The following ABCC12 variants were observed in gnomAD, a reference collection of about 807,000 sequenced individuals.
ABCC12 encodes the protein ATP binding cassette subfamily C member 12.
A neutral mutation model predicts 151.1 loss-of-function variants in ABCC12; 142 were observed. The observed-to-expected ratio is 0.94, with a 90% confidence interval of 0.82 to 1.08. The LOEUF is 1.08. ABCC12 is among the 50% of genes least tolerant of loss of function. The pLI is 0.00. For synonymous variants in ABCC12, 645 were observed against 646.4 expected, an observed-to-expected ratio of 1.00 and a Z score of 0.03; for missense variants, 1,638 against 1,691.1, an observed-to-expected ratio of 0.97 and a Z score of 0.55.
chr16:48,094,266 G>C (rs562166285), intron 24 of ABCC12, among the ~76,000 whole-genome samples: 1 of 152,316 alleles, frequency 6.6e-6, no homozygotes, highest in East Asian at 1.9e-4. Flanking sequence ...AGAGAGTACA[G>C]AGAATACATT....
intron 8 of ABCC12, among the ~76,000 whole-genome samples, chr16:48,135,850 T>C (rs576098485): frequency 6.6e-6 from 1 of 152,216 alleles, no homozygotes; most frequent in South Asian, 2.1e-4. Context: ...GCTCACAAAT[T>C]ACATTCAAGC....
In ABCC12 at chr16:48,104,299, C is replaced by A; in HGVS notation, c.2743G>T (p.Asp915Tyr). 6.2e-7 allele frequency: 1 copy of A among 1,614,246 alleles called. No homozygotes were observed. Among genetic ancestry groups the A allele is most frequent in the Non-Finnish European group, 8.5e-7 (1 of 1,180,038 alleles). ...TGRLMNRFSK[D>Y]MDELDVRLPF... ...AGCCTCACATCCAGCTCGTCCATAT[C>A]CTTGGAAAAACGGTTCATTAGCCTG... is the stretch of plus-strand genomic sequence containing the variant. The change falls in exon 22 of 31, where the codon GAT (aspartate) becomes TAT (tyrosine). Residue 915 changes from aspartate to tyrosine, a missense_variant. By Grantham distance (160) the Asp-to-Tyr change is radical. Coordinates refer to ENST00000311303, the MANE Select transcript of ABCC12 (RefSeq NM_001393797.1).
chr16:48,091,766 A>G (rs531902431), intron 24 of ABCC12, among the ~76,000 whole-genome samples: 1 of 152,336 alleles, frequency 6.6e-6, no homozygotes, highest in Non-Finnish European at 1.5e-5. Flanking sequence ...GCCAACCCCA[A>G]GATTTGACTG....
intron 14 of ABCC12, among the ~76,000 whole-genome samples, chr16:48,116,433 G>T (rs561979591): frequency 6.6e-6 from 1 of 152,184 alleles, no homozygotes; most frequent in Non-Finnish European, 1.5e-5. Context: ...TTCAGGTGGT[G>T]GGACTTGGGA....
Position 48,085,376 on chromosome 16 carries a change from G to A in ABCC12, c.3828+217C>T, listed in dbSNP as rs1349513244. On this transcript the variant is annotated intron_variant, in intron 29 of 30. Transcript: ENST00000311303. Reference sequence around the variant, plus strand: ...GAAAATCTAAGCGAGACCTCCCCAGGGGAAGCCTGGGAGGGGAAGGTGCTC... The same window carrying A: ...GAAAATCTAAGCGAGACCTCCCCAGAGGAAGCCTGGGAGGGGAAGGTGCTC... Among the ~76,000 whole-genome samples, 3 of 152,050 alleles carry A rather than the reference G, an allele frequency of 2.0e-5. No individual in the cohort carries two copies. In the East Asian group the frequency reaches 5.8e-4, roughly 29 times the overall value.
In ABCC12 at chr16:48,144,090, G is replaced by A. The variant is rs371766463; in HGVS notation, c.120-25C>T. On this transcript the variant is annotated intron_variant, in intron 3 of 30. Coordinates refer to ENST00000311303, the MANE Select transcript of ABCC12 (RefSeq NM_001393797.1). ...CCTGCAGACAAACAAGACACTCAGCGTTCCAGGCACTGGGGTCATTGCCCC... is the reference window on the plus strand; with the variant it reads ...CCTGCAGACAAACAAGACACTCAGCATTCCAGGCACTGGGGTCATTGCCCC... 74 of 1,600,984 alleles carry A rather than the reference G, an allele frequency of 4.6e-5. No homozygotes were observed. In the African/African-American group the frequency reaches 5.5e-4, roughly 12 times the overall value.
Position 48,105,327 on chromosome 16 carries a change from C to T in ABCC12, c.2485G>A (p.Gly829Arg), listed in dbSNP as rs1441677274. Residue 829 changes from glycine (G) to arginine (R), a missense_variant, in exon 21 of 31, where the codon GGG (glycine) becomes AGG (arginine). Physicochemically the swap from Gly to Arg is moderately radical, Grantham distance 125. Transcript: ENST00000311303. Reference protein sequence around the residue: ...WLDKGSRMTCGPQGNRTMCEV... With the variant: ...WLDKGSRMTCRPQGNRTMCEV... Reference sequence around the variant, plus strand: ...CACATGGTCCTGTTGCCCTGGGGCCCACAGGTCATCTTTGGAGAAAAACAA... The same window carrying T: ...CACATGGTCCTGTTGCCCTGGGGCCTACAGGTCATCTTTGGAGAAAAACAA... 6.2e-7 allele frequency: 1 copy of T among 1,608,834 alleles called. No individual in the cohort carries two copies. Among genetic ancestry groups the T allele is most frequent in the Non-Finnish European group, 8.5e-7 (1 of 1,178,006 alleles).
chr16:48,124,107 G>T, intron 12 of ABCC12, 106 bp downstream of exon 12: 2 of 1,172,010 alleles, frequency 1.7e-6, no homozygotes, highest in South Asian at 1.3e-5. Flanking sequence ...CATGCACAGT[G>T]TCCAGTGCAG....
intron 27 of ABCC12, 115 bp downstream of exon 27, chr16:48,087,811 T>G: frequency 8.6e-7 from 1 of 1,165,268 alleles, no homozygotes; most frequent in Non-Finnish European, 1.2e-6. Flanking sequence ...GGGATACTGC[T>G]TCCCTCAGAC....
intron 12 of ABCC12, among the ~76,000 whole-genome samples, chr16:48,122,568 A>G (rs148805370): frequency 1.3e-5 from 2 of 152,106 alleles, no homozygotes; most frequent in African/African-American, 4.8e-5. Context: ...CAGAGGGTAC[A>G]TGTGGGGCAG....
chr16:48,117,654 C>T (rs1272047825), intron 13 of ABCC12, among the ~76,000 whole-genome samples: 1 of 152,194 alleles, frequency 6.6e-6, no homozygotes, highest in African/African-American at 2.4e-5. Context: ...CTGCTGGACG[C>T]TCATGGGAGT....
At chr16:48,148,255 T>A in intron 2 of ABCC12, among the ~76,000 whole-genome samples, 1 of 147,498 alleles carries the variant, frequency 6.8e-6, no homozygotes, top group African/African-American at 2.6e-5. Flanking sequence ...AAAAAAAAAT[T>A]GAGACAGGAT....
intron 29 of ABCC12, among the ~76,000 whole-genome samples, chr16:48,084,765 A>C (rs1440136964): frequency 6.6e-6 from 1 of 152,162 alleles, no homozygotes; most frequent in East Asian, 1.9e-4. Flanking sequence ...AATATATTAA[A>C]AGTCTCGGAG....
Position 48,124,225 on chromosome 16 carries a change from A to T in ABCC12, c.1575T>A (p.Ala525=). The change falls in exon 12 of 31, where the codon GCT becomes GCA. Residue 525 remains alanine, a synonymous_variant. Coordinates refer to ENST00000311303, the MANE Select transcript of ABCC12 (RefSeq NM_001393797.1). The part of the protein sequence containing the change: ...VGSGKSSLLA[A]LLGQMQLQKG... Reference sequence around the variant, plus strand: ...TCACACAGCTTACCTGTCCTAGGAGAGCTGCAAGGAGGGAGCTCTTTCCAC... The same window carrying T: ...TCACACAGCTTACCTGTCCTAGGAGTGCTGCAAGGAGGGAGCTCTTTCCAC... 1 of 1,614,054 alleles carries T rather than the reference A, an allele frequency of 6.2e-7. No individual in the cohort carries two copies. Among genetic ancestry groups the T allele is most frequent in the East Asian group, 2.2e-5 (1 of 44,878 alleles).
At chr16:48,085,046 C>T (rs369822091) in intron 29 of ABCC12, among the ~76,000 whole-genome samples, 18 of 152,200 alleles carry the variant, frequency 1.2e-4, no homozygotes, top group South Asian at 4.2e-4. Flanking sequence ...ATCAGATCCA[C>T]GCCGGCCCCT....
intron 25 of ABCC12, 101 bp downstream of exon 25, chr16:48,091,019 G>GT: frequency 8.1e-7 from 1 of 1,236,046 alleles, no homozygotes; most frequent in Non-Finnish European, 1.2e-6. Context: ...CCCGATTTCC[G>GT]TTTTTTAAAA....
At chr16:48,117,107 G>A (rs1320918519) in intron 14 of ABCC12, among the ~76,000 whole-genome samples, 154 bp downstream of exon 14, 1 of 152,264 alleles carries the variant, frequency 6.6e-6, no homozygotes, top group Admixed American at 6.5e-5. Context: ...TATAGATCCA[G>A]AGGAAGAATT....
At chr16:48,119,094 G>A (rs1333499275) in intron 13 of ABCC12, among the ~76,000 whole-genome samples, 1 of 151,996 alleles carries the variant, frequency 6.6e-6, no homozygotes, top group Non-Finnish European at 1.5e-5. Flanking sequence ...GCTTCCTATG[G>A]CCCTGAGAGC....
At chr16:48,141,450 A>G in intron 4 of ABCC12, 97 bp from the exon 5 acceptor site, 1 of 1,494,056 alleles carries the variant, frequency 6.7e-7, no homozygotes, top group Non-Finnish European at 9.1e-7. Flanking sequence ...TGCTCGGCAG[A>G]GCCCCCCTCC....
Sources: gnomAD v4.1 joint callset for allele counts (sites outside exome capture counted in the v4.1 genomes callset) on GRCh38, gnomAD v4.1.1 for gene constraint, MANE v1.5 for transcripts, NCBI Gene and HGNC (gene_info 2026-07-23, HGNC 2026-07-21) for gene names.